Variants in RANBP2 observed in about 807,000 individuals in gnomAD.
RANBP2 encodes the protein E3 SUMO-protein ligase RanBP2.
Under a neutral mutation model 303.6 loss-of-function variants are expected in RANBP2, and 57 were observed. The observed-to-expected ratio is 0.19, with a 90% CI of 0.15 to 0.23. The LOEUF is 0.23. Ranked by LOEUF, RANBP2 falls within the 10% of genes least tolerant of loss-of-function variation. The probability of loss-of-function intolerance (pLI) is 1.00; values close to 1 mark genes in which losing one functional copy is unlikely to be tolerated. For missense variants in RANBP2, 3,138 were observed against 3,780.8 expected (o/e 0.83, Z 4.46); for synonymous variants, 1,167 against 1,301.5 (o/e 0.90, Z 2.23).
At chr2:109,325,241 C>T in the RANBP2 span, among the ~76,000 whole-genome samples, 5 of 150,486 alleles carry the variant, frequency 3.3e-5, no homozygotes, top group African/African-American at 4.9e-5. Context: ...CAAAGTGAGT[C>T]GGTTTACACA....
At chr2:108,773,661 G>GGC (rs1677670472) in intron 23 of RANBP2, among the ~76,000 whole-genome samples, 1 of 142,728 alleles carries the variant, frequency 7.0e-6, no homozygotes, top group Non-Finnish European at 1.5e-5. Flanking sequence ...TTTTTTTTTT[G>GGC]GGGGGGGATG....
At chr2:108,729,492 T>C (rs1187303215) in intron 2 of RANBP2, among the ~76,000 whole-genome samples, 2 of 152,220 alleles carry the variant, frequency 1.3e-5, no homozygotes, top group East Asian at 3.8e-4. Flanking sequence ...CATGCCTATA[T>C]CTTAATTTGT....
chr2:109,037,385 C>T, the RANBP2 span, among the ~76,000 whole-genome samples: 2 of 151,252 alleles, frequency 1.3e-5, no homozygotes, highest in African/African-American at 2.4e-5. Flanking sequence ...ATGCTTTCTC[C>T]CTAAGATTGG....
rs777962677 is a variant in RANBP2 at position 108,763,571 on chromosome 2, C to G, written c.3032C>G (p.Pro1011Arg). The G allele has an allele frequency of 3.7e-6, 6 of 1,614,040 alleles. No homozygotes were observed. The highest frequency in any genetic ancestry group is 5.1e-6 in the Non-Finnish European group (6 of 1,179,982). The part of the protein sequence containing the change: ...FGKTNFVQPM[P>R]GEGLRPSLPT... ...AAAACTAATTTTGTTCAGCCCATGCCGGGTGAAGGATTAAGGCCATCTTTG... is the reference window on the plus strand; with the variant it reads ...AAAACTAATTTTGTTCAGCCCATGCGGGGTGAAGGATTAAGGCCATCTTTG... The change falls in exon 20 of 29, where the codon CCG (proline) becomes CGG (arginine). Residue 1011 changes from proline to arginine, a missense_variant. Coordinates refer to ENST00000283195, the MANE Select transcript of RANBP2 (RefSeq NM_006267.5).
chr2:109,246,643 G>A, the RANBP2 span, among the ~76,000 whole-genome samples: 2 of 152,164 alleles, frequency 1.3e-5, no homozygotes, highest in African/African-American at 4.8e-5. Context: ...CTCCCTGCAC[G>A]TGTCTTATTT....
At chr2:109,638,908 A>G in the RANBP2 span, among the ~76,000 whole-genome samples, 1 of 152,156 alleles carries the variant, frequency 6.6e-6, no homozygotes, top group South Asian at 2.1e-4. Context: ...CTTGGCATAC[A>G]TAGAGACTGG....
the RANBP2 span, chr2:109,617,616 G>A: frequency 6.0e-6 from 1 of 167,008 alleles, no homozygotes; most frequent in South Asian, 2.1e-4. Flanking sequence ...ACAGCCTGCG[G>A]GGTGAATGAA....
the RANBP2 span, among the ~76,000 whole-genome samples, chr2:109,367,190 C>T: frequency 0.13 from 20,083 of 150,068 alleles, 1,472 homozygotes; most frequent in Middle Eastern, 0.24. Flanking sequence ...TCTCGAACTC[C>T]TGGCCTCAAG....
chr2:109,504,883 TA>T, the RANBP2 span, among the ~76,000 whole-genome samples: 1 of 152,114 alleles, frequency 6.6e-6, no homozygotes, highest in African/African-American at 2.4e-5. Context: ...AGCTGGGCAG[TA>T]AGAGCCAAGC....
At chr2:109,655,770 T>C in the RANBP2 span, among the ~76,000 whole-genome samples, 1 of 152,146 alleles carries the variant, frequency 6.6e-6, no homozygotes, top group African/African-American at 2.4e-5. Context: ...AAAGAACACG[T>C]CTCCTATATC....
the RANBP2 span, among the ~76,000 whole-genome samples, chr2:109,174,596 C>A: frequency 6.6e-6 from 1 of 152,130 alleles, no homozygotes; most frequent in Non-Finnish European, 1.5e-5. Flanking sequence ...CTATGGTGTT[C>A]GTATCTAGGT....
At chr2:108,916,339 C>T in the RANBP2 span, among the ~76,000 whole-genome samples, 72 of 152,246 alleles carry the variant, frequency 4.7e-4, no homozygotes, top group African/African-American at 1.6e-3. Flanking sequence ...CTTCAGGTGA[C>T]AGGGTTGGGG....
At chr2:108,795,295 C>T in the RANBP2 span, among the ~76,000 whole-genome samples, 8 of 151,188 alleles carry the variant, frequency 5.3e-5, no homozygotes, top group African/African-American at 9.7e-5. Context: ...GCTGGGATTA[C>T]AGGTGCACCC....
the RANBP2 span, among the ~76,000 whole-genome samples, chr2:108,835,400 T>C: frequency 1.3e-5 from 2 of 152,198 alleles, no homozygotes; most frequent in Admixed American, 6.5e-5. Flanking sequence ...CCAGTAAGGA[T>C]ATTAATCCTC....
At chr2:109,508,263 G>A in the RANBP2 span, among the ~76,000 whole-genome samples, 1 of 152,166 alleles carries the variant, frequency 6.6e-6, no homozygotes, top group African/African-American at 2.4e-5. Context: ...TTTTGGACAG[G>A]GGACATGTAT....
the RANBP2 span, chr2:109,347,703 C>T: frequency 2.5e-6 from 4 of 1,613,778 alleles, no homozygotes; most frequent in East Asian, 8.9e-5. Flanking sequence ...ATGGCAAGGC[C>T]CTCTACAGCT....
At chr2:109,123,328 TTCCTTCCTTCC>T in the RANBP2 span, among the ~76,000 whole-genome samples, 1 of 25,096 alleles carries the variant, frequency 4.0e-5, no homozygotes, top group Non-Finnish European at 2.2e-4. Flanking sequence ...CTTTCCTTCC[TTCCTTCCTTCC>T]TTCCTTCCTT....
the RANBP2 span, chr2:109,618,150 A>G: frequency 1.2e-5 from 2 of 167,042 alleles, no homozygotes; most frequent in Non-Finnish European, 2.9e-5. Flanking sequence ...TGGGTGAAAA[A>G]CCAATCTAAT....
chr2:109,226,467 A>G, the RANBP2 span, among the ~76,000 whole-genome samples: 1 of 152,182 alleles, frequency 6.6e-6, no homozygotes. Context: ...TTAAGTAAGT[A>G]CCCTGCTGAC....
Sources: allele counts gnomAD v4.1 joint callset (sites outside exome capture counted in the v4.1 genomes callset), GRCh38; gene constraint gnomAD v4.1.1; transcripts MANE v1.5; gene names NCBI Gene and HGNC (gene_info 2026-07-23, HGNC 2026-07-21).